The following TCERG1L variants were observed in gnomAD, a reference collection of about 807,000 sequenced individuals.
TCERG1L encodes the protein transcription elongation regulator 1-like protein.
Under a neutral mutation model 56.3 loss-of-function variants are expected in TCERG1L, and 37 were observed. That is an observed-to-expected ratio of 0.66 (90% CI 0.51 to 0.87). The LOEUF (loss-of-function observed/expected upper bound fraction) is 0.87, where lower values mean the gene tolerates loss of function less well. Ranked by LOEUF, TCERG1L falls within the 40% of genes least tolerant of loss-of-function variation. The probability of loss-of-function intolerance (pLI) is 0.00; values close to 1 mark genes in which losing one functional copy is unlikely to be tolerated. For missense variants in TCERG1L, 799 were observed against 774.2 expected, an observed-to-expected ratio of 1.03 and a Z score of -0.38; for synonymous variants, 324 against 326.3, an observed-to-expected ratio of 0.99 and a Z score of 0.08.
At chr10:131,107,135 C>T (rs1377775720) in intron 9 of TCERG1L, among the ~76,000 whole-genome samples, 1 of 152,048 alleles carries the variant, frequency 6.6e-6, no homozygotes, top group Non-Finnish European at 1.5e-5. Context: ...TTGACTAGTG[C>T]ACCTGCCCCC....
intron 4 of TCERG1L, among the ~76,000 whole-genome samples, chr10:131,220,085 A>G (rs1434950261): frequency 1.3e-5 from 2 of 152,148 alleles, no homozygotes; most frequent in East Asian, 3.9e-4. Context: ...ACCCGGGCTG[A>G]GCTCCACCCT....
intron 4 of TCERG1L, among the ~76,000 whole-genome samples, chr10:131,220,475 T>A (rs1250515006): frequency 6.6e-6 from 1 of 152,216 alleles, no homozygotes; most frequent in Non-Finnish European, 1.5e-5. Context: ...ATCCCAGGGC[T>A]CCGTTCCTGC....
At chr10:131,289,536 T>A (rs1564834771) in intron 3 of TCERG1L, among the ~76,000 whole-genome samples, 9 of 107,192 alleles carry the variant, frequency 8.4e-5, no homozygotes, top group African/African-American at 9.9e-5. Flanking sequence ...CTCCTATCGG[T>A]GTGTATGTGT....
chr10:131,106,780 A>G (rs1845355678), intron 9 of TCERG1L, among the ~76,000 whole-genome samples: 1 of 152,228 alleles, frequency 6.6e-6, no homozygotes, highest in South Asian at 2.1e-4. Context: ...TTCTTAAAAT[A>G]TTCTTCATAG....
At chr10:131,119,133 A>G (rs1213121646) in intron 8 of TCERG1L, among the ~76,000 whole-genome samples, 7 of 152,008 alleles carry the variant, frequency 4.6e-5, no homozygotes, top group Admixed American at 2.0e-4. Flanking sequence ...GCCTCCCAAC[A>G]CCTGCCAAGT....
At position 131,112,457 on chromosome 10, in the gene TCERG1L, A is replaced by G. The variant is rs1845421364; in HGVS notation, c.1395+4342T>C. The stretch of plus-strand genomic sequence containing the variant: ...ATGATGATGCCAGCTGCATGTGGAC[A>G]GCCTTCATTTTTGAGAAACTGCCTG... On this transcript the variant is annotated intron_variant, in intron 9 of 11. Transcript: ENST00000368642. Among the ~76,000 whole-genome samples the G allele has an allele frequency of 1.4e-5, 2 of 142,008 alleles. 1 individual carries two copies. Among genetic ancestry groups the G allele is most frequent in the Admixed American group, 1.4e-4 (2 of 14,448 alleles). 93.2% of individuals were successfully genotyped at this position (142,008 alleles called of 152,430 possible).
At chr10:131,218,691 A>G (rs1417965387) in intron 4 of TCERG1L, among the ~76,000 whole-genome samples, 1 of 152,086 alleles carries the variant, frequency 6.6e-6, no homozygotes, top group Non-Finnish European at 1.5e-5. Flanking sequence ...AGGGAAGTGG[A>G]TGTGTGTCCT....
At chr10:131,201,235 CT>C (rs1427968197) in intron 4 of TCERG1L, among the ~76,000 whole-genome samples, 12 of 152,206 alleles carry the variant, frequency 7.9e-5, no homozygotes, top group African/African-American at 2.9e-4. Context: ...ACACATCCCA[CT>C]AAACTCAAAC....
intron 4 of TCERG1L, among the ~76,000 whole-genome samples, chr10:131,251,301 C>T (rs1846107966): frequency 6.7e-6 from 1 of 149,362 alleles, no homozygotes; most frequent in African/African-American, 2.5e-5. Context: ...ACTCTCTGCC[C>T]CCTCCCCCCG....
chr10:131,093,089 GT>G lies in TCERG1L; in HGVS notation c.*72del. 2 of 1,531,624 alleles carry G rather than the reference GT, an allele frequency of 1.3e-6. No homozygotes were observed. Among genetic ancestry groups the G allele is most frequent in the Non-Finnish European group, 1.8e-6 (2 of 1,135,392 alleles). The allele number at this position is 1,531,624 out of a possible 1,614,324, so 94.9% of individuals were successfully genotyped here. On this transcript the variant is annotated 3_prime_UTR_variant, in exon 12 of 12. Transcript: ENST00000368642. ...TCTCGGCCGCCCCACGCCCGTGTCC[GT>G]CTCCACCGTGACCCCCTCGCCCCCG...
chr10:131,221,499 C>A (rs966702097), intron 4 of TCERG1L, among the ~76,000 whole-genome samples: 1 of 152,184 alleles, frequency 6.6e-6, no homozygotes, highest in African/African-American at 2.4e-5. Flanking sequence ...AGGAAAGCGG[C>A]GGTCTTCTAA....
At chr10:131,290,727 G>A (rs960594733) in intron 3 of TCERG1L, among the ~76,000 whole-genome samples, 56 of 150,618 alleles carry the variant, frequency 3.7e-4, no homozygotes, top group African/African-American at 1.4e-3. Context: ...TTTTATTCAT[G>A]ACTGAAGGCC....
chr10:131,163,292 C>CA (rs11416735), intron 5 of TCERG1L, 82 bp from the exon 6 acceptor site: 615,726 of 1,138,258 alleles, frequency 0.54, 172,892 homozygotes, highest in African/African-American at 0.73. Flanking sequence ...GAGGAATAAA[C>CA]AAATCTCCTG....
chr10:131,145,256 C>T (rs12098312), intron 7 of TCERG1L, among the ~76,000 whole-genome samples: 7 of 152,162 alleles, frequency 4.6e-5, no homozygotes, highest in African/African-American at 1.7e-4. Flanking sequence ...TGAGTAAGAA[C>T]CTTGAAAGGG....
intron 3 of TCERG1L, among the ~76,000 whole-genome samples, chr10:131,291,531 A>G (rs1055387081): frequency 5.6e-5 from 8 of 141,964 alleles, no homozygotes; most frequent in Admixed American, 2.3e-4. Flanking sequence ...GGTTCATGCC[A>G]TTCTCCTGCC....
At chr10:131,231,449 G>T (rs973558546) in intron 4 of TCERG1L, among the ~76,000 whole-genome samples, 9 of 152,192 alleles carry the variant, frequency 5.9e-5, no homozygotes, top group Admixed American at 4.6e-4. Flanking sequence ...GAGACTCCAA[G>T]AATTGCAGCC....
intron 4 of TCERG1L, among the ~76,000 whole-genome samples, chr10:131,213,868 C>A (rs1302437068): frequency 6.6e-6 from 1 of 152,192 alleles, no homozygotes; most frequent in Non-Finnish European, 1.5e-5. Context: ...CCTGCCCTAG[C>A]CACGGCCCAG....
chr10:131,274,814 C>T (rs1846376285), intron 3 of TCERG1L, among the ~76,000 whole-genome samples: 1 of 152,186 alleles, frequency 6.6e-6, no homozygotes, highest in African/African-American at 2.4e-5. Context: ...CACCGCTTCG[C>T]TTAGCAGCTA....
At chr10:131,294,172 T>C (rs573716519) in intron 3 of TCERG1L, among the ~76,000 whole-genome samples, 1 of 152,310 alleles carries the variant, frequency 6.6e-6, no homozygotes, top group Non-Finnish European at 1.5e-5. Flanking sequence ...ATCTGAAGAA[T>C]GGGAGCCCCT....
Sources: allele counts gnomAD v4.1 joint callset (sites outside exome capture counted in the v4.1 genomes callset), GRCh38; gene constraint gnomAD v4.1.1; transcripts MANE v1.5; gene names NCBI Gene and HGNC (gene_info 2026-07-23, HGNC 2026-07-21).